BRINP2: variants seen among roughly 807,000 people sequenced by gnomAD.
BRINP2 encodes BMP/retinoic acid inducible neural specific 2.
BRINP2 carries 21 observed loss-of-function variants against 69.2 expected under a neutral mutation model. That is an observed-to-expected ratio of 0.30 (90% CI 0.22 to 0.44). BRINP2 has a LOEUF of 0.44. Ranked by LOEUF, BRINP2 falls within the 20% of genes least tolerant of loss-of-function variation. BRINP2 has a pLI of 1.00. For synonymous variants in BRINP2, 380 were observed against 394.1 expected (o/e 0.96, Z 0.42); for missense variants, 877 against 986.0 (o/e 0.89, Z 1.48).
intron 1 of BRINP2, among the ~76,000 whole-genome samples, chr1:177,205,295 T>C (rs1649041153): frequency 6.6e-6 from 1 of 152,038 alleles, no homozygotes; most frequent in Non-Finnish European, 1.5e-5. Context: ...CACCCACCAC[T>C]ATGTCTGGCT....
At chr1:177,273,622 C>T (rs1651404007) in intron 5 of BRINP2, 29 bp downstream of exon 5, 1 of 1,345,562 alleles carries the variant, frequency 7.4e-7, no homozygotes, top group Non-Finnish European at 1.0e-6. Context: ...GTTTTCATAC[C>T]TTTCACACCT....
At chr1:177,224,589 C>CTT (rs113688655) in intron 1 of BRINP2, among the ~76,000 whole-genome samples, 2 of 143,586 alleles carry the variant, frequency 1.4e-5, no homozygotes, top group Non-Finnish European at 3.1e-5. Flanking sequence ...GCAAAGGCTC[C>CTT]TTTTTTTTTT....
At chr1:177,191,308 C>T (rs568820955) in intron 1 of BRINP2, among the ~76,000 whole-genome samples, 46 of 152,146 alleles carry the variant, frequency 3.0e-4, no homozygotes, top group Non-Finnish European at 6.3e-4. Flanking sequence ...TCTGGGAAAT[C>T]CATCGCTTAA....
At chr1:177,273,849 C>T (rs1490129389) in intron 5 of BRINP2, among the ~76,000 whole-genome samples, 1 of 152,162 alleles carries the variant, frequency 6.6e-6, no homozygotes, top group Non-Finnish European at 1.5e-5. Context: ...CTTCACATTC[C>T]ATCTCAAGTC....
intron 1 of BRINP2, among the ~76,000 whole-genome samples, chr1:177,203,235 A>G (rs199814295): frequency 6.6e-6 from 1 of 151,302 alleles, no homozygotes; most frequent in Non-Finnish European, 1.5e-5. Flanking sequence ...GGACAAAAAA[A>G]CCAAACACAG....
chr1:177,176,068 C>T (rs778463168), intron 1 of BRINP2, among the ~76,000 whole-genome samples: 1 of 152,178 alleles, frequency 6.6e-6, no homozygotes, highest in Non-Finnish European at 1.5e-5. Flanking sequence ...TGTCACTCTG[C>T]CATAGACAGA....
At chr1:177,175,416 G>C (rs968244068) in intron 1 of BRINP2, among the ~76,000 whole-genome samples, 1 of 152,170 alleles carries the variant, frequency 6.6e-6, no homozygotes, top group Non-Finnish European at 1.5e-5. Flanking sequence ...CACCAGGAGA[G>C]AGCTGTGACC....
At chr1:177,188,634 A>G (rs1326299174) in intron 1 of BRINP2, among the ~76,000 whole-genome samples, 1 of 152,134 alleles carries the variant, frequency 6.6e-6, no homozygotes, top group Non-Finnish European at 1.5e-5. Context: ...TTTTCTAGTA[A>G]CTGCCCCATG....
intron 1 of BRINP2, among the ~76,000 whole-genome samples, chr1:177,222,177 A>C (rs1649556967): frequency 6.6e-6 from 1 of 152,222 alleles, no homozygotes; most frequent in South Asian, 2.1e-4. Flanking sequence ...ACAACAAAAC[A>C]AACAAACAAA....
At chr1:177,184,267 G>GT (rs1467533043) in intron 1 of BRINP2, among the ~76,000 whole-genome samples, 3 of 152,090 alleles carry the variant, frequency 2.0e-5, no homozygotes, top group Non-Finnish European at 4.4e-5. Context: ...AGTCAGCAGG[G>GT]TTTTTTCCCC....
chr1:177,187,612 G>A (rs751454995), intron 1 of BRINP2, among the ~76,000 whole-genome samples: 4 of 152,120 alleles, frequency 2.6e-5, no homozygotes, highest in Non-Finnish European at 4.4e-5. Context: ...AGAGAAGGTG[G>A]AGTTTAGCCA....
At chr1:177,237,974 A>G (rs1650082338) in intron 2 of BRINP2, among the ~76,000 whole-genome samples, 1 of 152,068 alleles carries the variant, frequency 6.6e-6, no homozygotes, top group Non-Finnish European at 1.5e-5. Flanking sequence ...CTCACCCCAG[A>G]GCTTCCCACA....
intron 1 of BRINP2, among the ~76,000 whole-genome samples, chr1:177,201,073 T>C (rs905976002): frequency 6.6e-6 from 1 of 152,066 alleles, no homozygotes; most frequent in Non-Finnish European, 1.5e-5. Flanking sequence ...AGACTACACA[T>C]TGGGTACAGT....
chr1:177,265,976 T>C (rs534603583), intron 4 of BRINP2, among the ~76,000 whole-genome samples: 27 of 151,752 alleles, frequency 1.8e-4, no homozygotes, highest in African/African-American at 6.5e-4. Context: ...AAAAATTAGC[T>C]GGGCGTGGTG....
In BRINP2 at chr1:177,196,249, C is replaced by T. The variant is rs183726107; in HGVS notation, c.-77+24517C>T. 3.8e-3 allele frequency among the ~76,000 whole-genome samples: 586 copies of T among 152,292 alleles called. 2 individuals are homozygous for T. The highest frequency in any genetic ancestry group is 0.024 in the Middle Eastern group (7 of 294). On this transcript the variant is annotated intron_variant, in intron 1 of 7. Coordinates refer to ENST00000361539, the MANE Select transcript of BRINP2 (RefSeq NM_021165.4). ...AGAATCACCTAATGAACCTTGGATG[C>T]TTACCAGTGCTCAGGCCCTAGTTCC...
intron 7 of BRINP2, among the ~76,000 whole-genome samples, chr1:177,279,552 G>C (rs969231193): frequency 2.0e-5 from 3 of 152,192 alleles, no homozygotes; most frequent in Non-Finnish European, 4.4e-5. Context: ...CCAGGCAAAG[G>C]AGCTGCCTTC....
chr1:177,235,596 C>G (rs1057230383), intron 2 of BRINP2, among the ~76,000 whole-genome samples: 3 of 152,106 alleles, frequency 2.0e-5, no homozygotes, highest in Non-Finnish European at 2.9e-5. Context: ...AGGAGGAGCT[C>G]CAGAGCTGAT....
chr1:177,281,042 C>A lies in BRINP2; in HGVS notation c.1866C>A (p.Ala622=), dbSNP rs1452402575. The change falls in exon 8 of 8, where the codon GCC becomes GCA. Residue 622 remains alanine, a synonymous_variant. Coordinates refer to ENST00000361539, the MANE Select transcript of BRINP2 (RefSeq NM_021165.4). ...AAAGGACTAACGTGGATGCAGCTGC[C>A]CAGTGCCAAAACTGGACTATCACCT... ...DWERTNVDAA[A]QCQNWTITLG... is the part of the protein sequence containing the mutation. 6.2e-7 allele frequency: 1 copy of A among 1,614,042 alleles called. No individual in the cohort carries two copies. Among genetic ancestry groups the A allele is most frequent in the African/African-American group, 1.3e-5 (1 of 74,906 alleles).
intron 1 of BRINP2, among the ~76,000 whole-genome samples, chr1:177,187,945 G>A (rs573510266): frequency 6.6e-6 from 1 of 152,094 alleles, no homozygotes; most frequent in South Asian, 2.1e-4. Context: ...CAGCACACCT[G>A]TTCTCTTGCT....
Sources: gnomAD v4.1 joint callset for allele counts (sites outside exome capture counted in the v4.1 genomes callset) on GRCh38, gnomAD v4.1.1 for gene constraint, MANE v1.5 for transcripts, NCBI Gene and HGNC (gene_info 2026-07-23, HGNC 2026-07-21) for gene names.